Variants in XIRP2 observed in about 807,000 individuals in gnomAD.
The protein encoded by XIRP2 is xin actin-binding repeat-containing protein 2.
XIRP2 carries 236 observed loss-of-function variants against 277.0 expected under a neutral mutation model. The observed-to-expected ratio is 0.85, with a 90% CI of 0.77 to 0.95. The LOEUF is 0.95. Among genes scored for constraint, XIRP2 ranks in the 40% least tolerant of loss-of-function variants. The pLI, the probability that XIRP2 is intolerant of heterozygous loss-of-function variation, is 0.00. For missense variants in XIRP2, 4,640 were observed against 4,157.5 expected (o/e 1.12, Z -3.19); for synonymous variants, 1,490 against 1,416.5 (o/e 1.05, Z -1.17).
At chr2:167,033,316 C>T (rs1033216015) in intron 2 of XIRP2, among the ~76,000 whole-genome samples, 1 of 151,970 alleles carries the variant, frequency 6.6e-6, no homozygotes, top group African/African-American at 2.4e-5. Context: ...GGAAGGGTAG[C>T]ATTAGGAGAA....
chr2:167,250,040 A>C lies in XIRP2; in HGVS notation c.8648A>C (p.His2883Pro). Reference protein sequence around the residue: ...QIQTAESKAEHKKLPQPYNSL... With the variant: ...QIQTAESKAEPKKLPQPYNSL... ...CAGACCGCTGAAAGTAAAGCTGAACATAAAAAATTGCCCCAGCCATATAAT... is the reference window on the plus strand; with the variant it reads ...CAGACCGCTGAAAGTAAAGCTGAACCTAAAAAATTGCCCCAGCCATATAAT... Residue 2883 changes from histidine (H) to proline (P), a missense_variant, in exon 9 of 11, where the codon CAT (histidine) becomes CCT (proline). Coordinates refer to ENST00000409195, the MANE Select transcript of XIRP2 (RefSeq NM_152381.6). 1 of 1,613,678 alleles carries C rather than the reference A, an allele frequency of 6.2e-7. No individual in the cohort carries two copies. Among genetic ancestry groups the C allele is most frequent in the Non-Finnish European group, 8.5e-7 (1 of 1,179,710 alleles).
Position 166,903,795 on chromosome 2 carries a change from C to T in XIRP2, c.313C>T (p.Arg105Cys), listed in dbSNP as rs780403837. ...GAAGGAGGATTCCCTGAGCAGTCGG[C>T]GCAGGATTGAACGCTTTTCCATTGC... Reference protein sequence around the residue: ...VLKEDSLSSRRRIERFSIALD... With the variant: ...VLKEDSLSSRCRIERFSIALD... Residue 105 changes from arginine (R) to cysteine (C), a missense_variant, in exon 2 of 11, where the codon CGC becomes TGC. Physicochemically the swap from Arg to Cys is radical, Grantham distance 180. Transcript: ENST00000409195. 2.6e-5 allele frequency: 42 copies of T among 1,613,440 alleles called. No individual in the cohort carries two copies. The highest frequency in any genetic ancestry group is 2.3e-4 in the Admixed American group (14 of 59,906).
At chr2:167,096,643 A>AATGTC (rs905582642) in intron 2 of XIRP2, among the ~76,000 whole-genome samples, 21 of 152,006 alleles carry the variant, frequency 1.4e-4, no homozygotes, top group African/African-American at 4.6e-4. Flanking sequence ...TTGATGTTAG[A>AATGTC]ATGTCAATTT....
chr2:166,948,068 G>A (rs536069815), intron 2 of XIRP2, among the ~76,000 whole-genome samples: 4 of 152,186 alleles, frequency 2.6e-5, no homozygotes, highest in African/African-American at 9.6e-5. Context: ...GTGAGAAGAG[G>A]ATGAATAGAA....
intron 3 of XIRP2, among the ~76,000 whole-genome samples, chr2:167,152,679 T>C (rs1464675894): frequency 6.6e-6 from 1 of 152,064 alleles, no homozygotes; most frequent in Non-Finnish European, 1.5e-5. Context: ...GACCAAATAA[T>C]AATTAATCAG....
chr2:167,130,177 C>T (rs564283932), intron 2 of XIRP2, among the ~76,000 whole-genome samples: 12 of 152,152 alleles, frequency 7.9e-5, no homozygotes, highest in South Asian at 2.1e-4. Flanking sequence ...CCTGAATTGT[C>T]TCCATGTACC....
intron 2 of XIRP2, among the ~76,000 whole-genome samples, chr2:167,094,548 C>T (rs935053329): frequency 6.6e-6 from 1 of 152,154 alleles, no homozygotes; most frequent in Non-Finnish European, 1.5e-5. Context: ...AGCCAGTTTT[C>T]CCAACACCAT....
chr2:166,922,242 G>C (rs1175546303), intron 2 of XIRP2, among the ~76,000 whole-genome samples: 1 of 151,096 alleles, frequency 6.6e-6, no homozygotes, highest in Non-Finnish European at 1.5e-5. Flanking sequence ...GCTACCTCAC[G>C]AACTGCACAT....
At chr2:167,086,119 C>A (rs1005934804) in intron 2 of XIRP2, among the ~76,000 whole-genome samples, 1 of 151,980 alleles carries the variant, frequency 6.6e-6, no homozygotes, top group Non-Finnish European at 1.5e-5. Context: ...CCTTCAGGAG[C>A]TCTTTTAGGG....
At position 167,026,011 on chromosome 2, in the gene XIRP2, G is replaced by T. The variant is rs147216376; in HGVS notation, c.409-109898G>T. Among the ~76,000 whole-genome samples the T allele has an allele frequency of 3.3e-5, 5 of 152,168 alleles. 1 individual carries two copies. The East Asian group carries it at 9.7e-4, about 30-fold the overall frequency. ...CTGAGTTCAATTCCTGGGTATCCTT[G>T]TTAACTTTCTGTCTCGTTGATCTGT... On this transcript the variant is annotated intron_variant, in intron 2 of 10. Coordinates refer to ENST00000409195, the MANE Select transcript of XIRP2 (RefSeq NM_152381.6).
At chr2:167,123,590 A>G (rs574012811) in intron 2 of XIRP2, among the ~76,000 whole-genome samples, 6 of 152,126 alleles carry the variant, frequency 3.9e-5, no homozygotes, top group African/African-American at 1.2e-4. Context: ...TCTGAGAGCC[A>G]TAAGTGAAGA....
chr2:166,896,613 T>G (rs1271307768), intron 1 of XIRP2, among the ~76,000 whole-genome samples: 2 of 152,032 alleles, frequency 1.3e-5, no homozygotes, highest in Non-Finnish European at 2.9e-5. Flanking sequence ...GTTTTAAAAA[T>G]TAAAAAGTTT....
At chr2:167,180,870 G>A (rs1444145716) in intron 3 of XIRP2, among the ~76,000 whole-genome samples, 1 of 152,134 alleles carries the variant, frequency 6.6e-6, no homozygotes, top group East Asian at 1.9e-4. Flanking sequence ...CTTGGATCCT[G>A]TAATTTCTCC....
chr2:167,135,121 A>G (rs1691506698), intron 2 of XIRP2, among the ~76,000 whole-genome samples: 1 of 152,142 alleles, frequency 6.6e-6, no homozygotes, highest in African/African-American at 2.4e-5. Context: ...ATTACTTGAC[A>G]TATTTAAAAC....
chr2:167,146,711 A>G (rs1453446859), intron 3 of XIRP2, among the ~76,000 whole-genome samples: 1 of 152,128 alleles, frequency 6.6e-6, no homozygotes, highest in Non-Finnish European at 1.5e-5. Context: ...ATAGAACTGA[A>G]TTTTAAAGGA....
intron 2 of XIRP2, among the ~76,000 whole-genome samples, chr2:166,946,687 A>G (rs1475521046): frequency 6.6e-6 from 1 of 152,132 alleles, no homozygotes; most frequent in Non-Finnish European, 1.5e-5. Flanking sequence ...TCAGAAGGGT[A>G]AAAATTGTGA....
intron 2 of XIRP2, among the ~76,000 whole-genome samples, chr2:167,099,360 C>G (rs1289305377): frequency 6.6e-6 from 1 of 152,154 alleles, no homozygotes; most frequent in African/African-American, 2.4e-5. Context: ...CTCCACCCAC[C>G]AAGCTCGAGC....
Position 166,903,739 on chromosome 2 carries a change from A to C in XIRP2, c.257A>C (p.Asn86Thr), listed in dbSNP as rs200881042. The change falls in exon 2 of 11, where the codon AAC becomes ACC. Residue 86 changes from asparagine to threonine, a missense_variant. Transcript: ENST00000409195. ...AAGGATTCTGTGGACAAGAGTAACA[A>C]CACCAGGGAATATGGTCGGCCAGAA... ...EEKDSVDKSN[N>T]TREYGRPEVL... 70 of 1,613,520 alleles carry C rather than the reference A, an allele frequency of 4.3e-5. No individual in the cohort carries two copies. Among genetic ancestry groups the C allele is most frequent in the African/African-American group, 1.1e-4 (8 of 74,890 alleles).
intron 3 of XIRP2, among the ~76,000 whole-genome samples, chr2:167,178,309 T>C (rs1038105662): frequency 2.0e-5 from 3 of 152,144 alleles, no homozygotes; most frequent in Admixed American, 6.5e-5. Flanking sequence ...ACTCAACATA[T>C]AACTATGAAA....
Sources: gnomAD v4.1 joint callset for allele counts (sites outside exome capture counted in the v4.1 genomes callset) on GRCh38, gnomAD v4.1.1 for gene constraint, MANE v1.5 for transcripts, NCBI Gene and HGNC (gene_info 2026-07-23, HGNC 2026-07-21) for gene names.